LOXL4: variants seen among roughly 807,000 people sequenced by gnomAD.
LOXL4 encodes the protein lysyl oxidase homolog 4.
LOXL4 carries 72 observed loss-of-function variants against 89.1 expected under a neutral mutation model. The observed-to-expected ratio is 0.81, with a 90% CI of 0.67 to 0.98. The LOEUF (loss-of-function observed/expected upper bound fraction) is 0.98. LOXL4 is among the 50% of genes least tolerant of loss of function. LOXL4 has a pLI of 0.00. For missense variants in LOXL4, 984 were observed against 1,017.5 expected, an observed-to-expected ratio of 0.97 and a Z score of 0.45; for synonymous variants, 355 against 392.1, an observed-to-expected ratio of 0.91 and a Z score of 1.12.
In LOXL4 at chr10:98,248,817, G is replaced by T; in HGVS notation, c.*104C>A. 2 of 1,029,934 alleles carry T rather than the reference G, an allele frequency of 1.9e-6. No individual in the cohort carries two copies. Among genetic ancestry groups the T allele is most frequent in the Non-Finnish European group, 2.9e-6 (2 of 682,786 alleles). The allele number at this position is 1,029,934 out of a possible 1,614,324, so 63.8% of individuals were successfully genotyped here. A position where few individuals can be genotyped will look rare whatever the true frequency, so the allele number is the denominator to read the frequency against. ...CTGAGCAGGTTCTTGGTGCCCCTTG[G>T]CACTGGCCCTTTTCCTCTGAGTTGG... On this transcript the variant is annotated 3_prime_UTR_variant, in exon 15 of 15. Coordinates refer to ENST00000260702, the MANE Select transcript of LOXL4 (RefSeq NM_032211.7).
rs1858109660 is a variant in LOXL4, at chr10:98,248,902, G to C, written c.*19C>G. 1 of 1,606,274 alleles carries C rather than the reference G, an allele frequency of 6.2e-7. No individual in the cohort carries two copies. Among genetic ancestry groups the C allele is most frequent in the Non-Finnish European group, 8.5e-7 (1 of 1,174,278 alleles). On this transcript the variant is annotated 3_prime_UTR_variant, in exon 15 of 15. Coordinates refer to ENST00000260702, the MANE Select transcript of LOXL4 (RefSeq NM_032211.7). ...GTATCTGGTGTATCGGCAGCAGCTA[G>C]GAGTGTGCAGTGACAGCTTCAGATG...
In LOXL4 at chr10:98,253,616, A is replaced by C. The variant is rs763665775; in HGVS notation, c.1772T>G (p.Leu591Arg). ...CTTTGGACGAAAGTCAGTCCGGCCC[A>C]GATTGTAGATCTGTGTGGAGAAGCG... ...LLRFSTQIYN[L>R]GRTDFRPKTG... Residue 591 changes from leucine to arginine, a missense_variant, in exon 11 of 15, where the codon CTG (leucine) becomes CGG (arginine). Transcript: ENST00000260702. 6.2e-7 allele frequency: 1 copy of C among 1,614,262 alleles called. No homozygotes were observed. The highest frequency in any genetic ancestry group is 2.2e-5 in the East Asian group (1 of 44,882).
rs1858526262 is a variant in LOXL4 at position 98,261,092 on chromosome 10, G to A, written c.492C>T (p.Ile164=). 1.9e-6 allele frequency: 3 copies of A among 1,613,392 alleles called. No homozygotes were observed. In the East Asian group the frequency reaches 6.7e-5, roughly 36 times the overall value. ...GGCTATGCTGCTTGGCACTGGCAAG[G>A]ATGGGCTTGAGCCGCACCTCCTCCA... ...RRLEEVRLKP[I]LASAKQHSPV... Residue 164 remains isoleucine (I), a synonymous_variant, in exon 4 of 15, where the codon ATC becomes ATT. Transcript: ENST00000260702.
Position 98,256,928 on chromosome 10 carries a change from C to G in LOXL4, c.1280G>C (p.Arg427Pro), listed in dbSNP as rs150077126. The G allele has an allele frequency of 6.2e-7, 1 of 1,613,928 alleles. No homozygotes were observed. Among genetic ancestry groups the G allele is most frequent in the Non-Finnish European group, 8.5e-7 (1 of 1,179,990 alleles). ...CTCCAATAGCCCCTCCTCAGGGATA[C>G]GCCCACCAGCCAAGCGCACCTGCAA... ...FQNQVRLAGG[R>P]IPEEGLLEVQ... Residue 427 changes from arginine (R) to proline (P), a missense_variant, in exon 9 of 15, where the codon CGT (arginine) becomes CCT (proline). Transcript: ENST00000260702.
At chr10:98,260,772 T>A (rs1858512437) in intron 4 of LOXL4, 150 bp downstream of exon 4, 2 of 781,734 alleles carry the variant, frequency 2.6e-6, no homozygotes, top group South Asian at 3.3e-5. Flanking sequence ...CATCACACAC[T>A]CGCCTGTGTG....
In LOXL4 at chr10:98,255,611, G is replaced by A. The variant is rs546346121; in HGVS notation, c.1557C>T (p.Gly519=). ...RHGPVHCSHG[G]GRFLAGVSCM... Reference sequence around the variant, plus strand: ...AGGAGACTCCAGCCAGGAAGCGCCCGCCACCGTGGGAGCAGTGCACCGGCC... The same window carrying A: ...AGGAGACTCCAGCCAGGAAGCGCCCACCACCGTGGGAGCAGTGCACCGGCC... The change falls in exon 10 of 15, where the codon GGC becomes GGT. Residue 519 remains glycine (G), a synonymous_variant. Coordinates refer to ENST00000260702, the MANE Select transcript of LOXL4 (RefSeq NM_032211.7). 1.7e-5 allele frequency: 27 copies of A among 1,611,410 alleles called. No homozygotes were observed. Among genetic ancestry groups the A allele is most frequent in the East Asian group, 1.3e-4 (6 of 44,750 alleles).
chr10:98,250,875 G>A (rs996561151), intron 14 of LOXL4, among the ~76,000 whole-genome samples, 190 bp downstream of exon 14: 1 of 152,200 alleles, frequency 6.6e-6, no homozygotes, highest in Admixed American at 6.5e-5. Flanking sequence ...GGGTGAAGCC[G>A]ATGGTCTGAC....
rs1337569987 is a variant in LOXL4 at position 98,252,432 on chromosome 10, G to A, written c.1872C>T (p.Asp624=). Residue 624 remains aspartate (D), a synonymous_variant, in exon 12 of 15, where the codon GAC becomes GAT. Coordinates refer to ENST00000260702, the MANE Select transcript of LOXL4 (RefSeq NM_032211.7). The part of the protein sequence containing the change: ...YHSIEVFTHY[D]LLTLNGSKVA... ...CCTTGGAGCCATTGAGAGTGAGGAG[G>A]TCGTAGTGGGTGAAGACCTCAATGC... 1.9e-6 allele frequency: 3 copies of A among 1,614,132 alleles called. No homozygotes were observed. The South Asian group carries it at 3.3e-5, about 18-fold the overall frequency.
chr10:98,255,647 G>T lies in LOXL4; in HGVS notation c.1521C>A (p.Cys507Ter), dbSNP rs1214504224. The T allele has an allele frequency of 3.7e-6, 6 of 1,613,592 alleles. No homozygotes were observed. The highest frequency in any genetic ancestry group is 1.7e-5 in the Admixed American group (1 of 60,018). ...AGCAGTGCACCGGCCCGTGCCTCTG[G>T]CACTGCTGCAGGGCCAGCTCTGTGC... Reference protein sequence around the residue: ...CSGTELALQQCQRHGPVHCSH... With the variant: ...CSGTELALQQ Residue 507 changes from cysteine to a stop codon, truncating the protein, a stop_gained, in exon 10 of 15, where the codon TGC becomes TGA. Transcript: ENST00000260702. LOFTEE classifies it high-confidence loss of function.
Position 98,257,757 on chromosome 10 carries a change from G to GCTCAT in LOXL4, c.1148_1152dup (p.Arg385MetfsTer58). 6 of 1,614,026 alleles carry GCTCAT rather than the reference G, an allele frequency of 3.7e-6. No individual in the cohort carries two copies. Among genetic ancestry groups the GCTCAT allele is most frequent in the Non-Finnish European group, 5.1e-6 (6 of 1,179,950 alleles). Reference sequence around the variant, plus strand: ...AGGGCAGGGCAGTCGCTGAGGGTCCGCTCATATCCCCTGCAGCGCACCTCA... The same window carrying GCTCAT: ...AGGGCAGGGCAGTCGCTGAGGGTCCGCTCATCTCATATCCCCTGCAGCGCACCTCA... On this transcript the variant is annotated frameshift_variant, in exon 8 of 15. Coordinates refer to ENST00000260702, the MANE Select transcript of LOXL4 (RefSeq NM_032211.7). LOFTEE classifies it high-confidence loss of function.
chr10:98,263,034 C>T lies in LOXL4; in HGVS notation c.-15G>A, dbSNP rs773169284. 3.7e-6 allele frequency: 6 copies of T among 1,609,584 alleles called. No homozygotes were observed. In the East Asian group the frequency reaches 1.1e-4, roughly 30 times the overall value. On this transcript the variant is annotated 5_prime_UTR_variant, in exon 2 of 15. Coordinates refer to ENST00000260702, the MANE Select transcript of LOXL4 (RefSeq NM_032211.7). ...GACCACGCCATGGTGACTTCAAGGA[C>T]AGCTGAGGCCAAGATACCTGAGGAA...
At chr10:98,250,041 G>A (rs775531925) in intron 14 of LOXL4, among the ~76,000 whole-genome samples, 61 of 152,150 alleles carry the variant, frequency 4.0e-4, no homozygotes, top group Non-Finnish European at 8.4e-4. Flanking sequence ...CCTGCAAAAA[G>A]CTCTAGTACT....
intron 1 of LOXL4, among the ~76,000 whole-genome samples, chr10:98,266,115 A>G (rs1858678441): frequency 6.6e-6 from 1 of 152,170 alleles, no homozygotes; most frequent in Non-Finnish European, 1.5e-5. Context: ...GGAGGTAGAC[A>G]GCCAGGGACT....
intron 1 of LOXL4, among the ~76,000 whole-genome samples, chr10:98,264,418 CA>C (rs1480377109): frequency 2.0e-5 from 3 of 150,070 alleles, no homozygotes; most frequent in Non-Finnish European, 4.4e-5. Flanking sequence ...CCCCAGACCA[CA>C]GTGTGGGGGT....
At position 98,259,207 on chromosome 10, in the gene LOXL4, C is replaced by T. The variant is rs1306192541; in HGVS notation, c.723G>A (p.Lys241=). 1.2e-6 allele frequency: 2 copies of T among 1,611,262 alleles called. No individual in the cohort carries two copies. The highest frequency in any genetic ancestry group is 2.2e-5 in the East Asian group (1 of 44,832). The stretch of plus-strand genomic sequence containing the variant: ...TGACCTGGTGGATCCAGAAGGAGTT[C>T]TTATTCGTCAGGCTCTTCAGCCTAG... ...PKSRLKSLTN[K]NSFWIHQVTC... is the part of the protein sequence containing the mutation. Residue 241 remains lysine (K), a synonymous_variant, in exon 6 of 15, where the codon AAG becomes AAA. Transcript: ENST00000260702.
chr10:98,262,718 C>A (rs1189710299), intron 2 of LOXL4, 25 bp downstream of exon 2: 61 of 1,599,786 alleles, frequency 3.8e-5, no homozygotes, highest in Non-Finnish European at 5.0e-5. Flanking sequence ...CCTTGCCATC[C>A]CACTAGGTGG....
At chr10:98,261,251 C>T in intron 3 of LOXL4, 124 bp from the exon 4 acceptor site, 1 of 994,350 alleles carries the variant, frequency 1.0e-6, no homozygotes, top group Non-Finnish European at 1.5e-6. Context: ...CCAGCCCGGT[C>T]ATTGAACAGG....
At position 98,252,447 on chromosome 10, in the gene LOXL4, G is replaced by A; in HGVS notation, c.1857C>T (p.Val619=). The change falls in exon 12 of 15, where the codon GTC becomes GTT. Residue 619 remains valine (V), a synonymous_variant. Transcript: ENST00000260702. ...QCHRHYHSIE[V]FTHYDLLTLN... is the part of the protein sequence containing the mutation. ...GAGTGAGGAGGTCGTAGTGGGTGAA[G>A]ACCTCAATGCTGTGGTAATGCCTGC... 3.7e-6 allele frequency: 6 copies of A among 1,613,940 alleles called. No homozygotes were observed. Among genetic ancestry groups the A allele is most frequent in the Non-Finnish European group, 5.1e-6 (6 of 1,179,828 alleles).
intron 14 of LOXL4, among the ~76,000 whole-genome samples, chr10:98,249,593 T>C (rs1415879002): frequency 6.6e-6 from 1 of 152,244 alleles, no homozygotes; most frequent in Non-Finnish European, 1.5e-5. Context: ...TAAATAGTCC[T>C]TTAATTAAAT....
Sources: allele counts gnomAD v4.1 joint callset (sites outside exome capture counted in the v4.1 genomes callset), GRCh38; gene constraint gnomAD v4.1.1; transcripts MANE v1.5; gene names NCBI Gene and HGNC (gene_info 2026-07-23, HGNC 2026-07-21).